PRR16: variants seen among roughly 807,000 people sequenced by gnomAD.
PRR16 encodes proline rich 16.
In PRR16, 6 loss-of-function variants were observed where a neutral mutation model predicts 18.2. The ratio of observed to expected loss-of-function variants is 0.33; its 90% CI spans 0.18 to 0.65. PRR16 has a LOEUF of 0.65. Ranked by LOEUF, PRR16 falls within the 30% of genes least tolerant of loss-of-function variation. The pLI, the probability that PRR16 is intolerant of heterozygous loss-of-function variation, is 0.74. For synonymous variants in PRR16, 151 were observed against 147.8 expected (o/e 1.02, Z -0.16); for missense variants, 412 against 376.6 (o/e 1.09, Z -0.78).
At chr5:120,651,562 C>A (rs1755790210) in intron 1 of PRR16, among the ~76,000 whole-genome samples, 1 of 152,164 alleles carries the variant, frequency 6.6e-6, no homozygotes, top group South Asian at 2.1e-4. Flanking sequence ...GCCAGTTTTC[C>A]CAGCACCATT....
chr5:120,764,608 T>G, the PRR16 span, among the ~76,000 whole-genome samples: 6 of 152,052 alleles, frequency 3.9e-5, no homozygotes. Context: ...TAACATACGA[T>G]GAAGATTTTT....
chr5:120,689,407 A>G (rs752109237), downstream of PRR16, among the ~76,000 whole-genome samples: 3 of 152,172 alleles, frequency 2.0e-5, no homozygotes, highest in Non-Finnish European at 4.4e-5. Context: ...ATCAGCCAAC[A>G]TTGCTTCAAA....
chr5:120,767,694 G>T, the PRR16 span, among the ~76,000 whole-genome samples: 1 of 151,796 alleles, frequency 6.6e-6, no homozygotes, highest in Admixed American at 6.6e-5. Flanking sequence ...CAAACATGAT[G>T]TCACAGGAAG....
the PRR16 span, among the ~76,000 whole-genome samples, chr5:120,731,606 A>G: frequency 6.6e-6 from 1 of 152,158 alleles, no homozygotes; most frequent in Non-Finnish European, 1.5e-5. Flanking sequence ...TTGGATTTGC[A>G]CCACTGACAG....
At chr5:120,483,363 T>G (rs924958189) in intron 1 of PRR16, among the ~76,000 whole-genome samples, 4 of 152,186 alleles carry the variant, frequency 2.6e-5, no homozygotes, top group Non-Finnish European at 2.9e-5. Flanking sequence ...AGCCCTGTAT[T>G]GTCTTGGCCA....
At position 120,589,377 on chromosome 5, in the gene PRR16, A is replaced by G. The variant is rs918578889; in HGVS notation, c.160-96577A>G. Among the ~76,000 whole-genome samples, 23 of 152,120 alleles carry G rather than the reference A, an allele frequency of 1.5e-4. 1 individual carries two copies. Among genetic ancestry groups the G allele is most frequent in the Admixed American group, 1.4e-3 (22 of 15,254 alleles). On this transcript the variant is annotated intron_variant, in intron 1 of 1. Transcript: ENST00000407149. Reference sequence around the variant, plus strand: ...CCAGAATCTATTAACATTTGCTATAACATAGTTTAGTCCTAGGATAATACT... The same window carrying G: ...CCAGAATCTATTAACATTTGCTATAGCATAGTTTAGTCCTAGGATAATACT...
At chr5:120,792,232 A>G in the PRR16 span, among the ~76,000 whole-genome samples, 1 of 152,200 alleles carries the variant, frequency 6.6e-6, no homozygotes. Flanking sequence ...TGTCTAAAAG[A>G]CTGCAAATAT....
the PRR16 span, among the ~76,000 whole-genome samples, chr5:120,791,640 A>G: frequency 1.3e-5 from 2 of 148,280 alleles, no homozygotes; most frequent in African/African-American, 5.0e-5. Flanking sequence ...TCTATCATCT[A>G]TCTATCTATC....
At chr5:120,516,249 C>A (rs373001213) in intron 1 of PRR16, among the ~76,000 whole-genome samples, 4 of 151,968 alleles carry the variant, frequency 2.6e-5, no homozygotes, top group Non-Finnish European at 5.9e-5. Context: ...CATGGCGAAA[C>A]GCCATCTCTA....
chr5:120,761,734 C>T, the PRR16 span, among the ~76,000 whole-genome samples: 1 of 152,010 alleles, frequency 6.6e-6, no homozygotes, highest in Non-Finnish European at 1.5e-5. Context: ...CAAATCCTCT[C>T]TTCTAGCTAT....
At chr5:120,681,481 T>C (rs944962140) in intron 1 of PRR16, among the ~76,000 whole-genome samples, 1 of 152,186 alleles carries the variant, frequency 6.6e-6, no homozygotes, top group Admixed American at 6.5e-5. Flanking sequence ...GCTTCACATT[T>C]TTCTTACCCT....
the PRR16 span, among the ~76,000 whole-genome samples, chr5:120,707,300 A>G: frequency 1.3e-5 from 2 of 152,150 alleles, no homozygotes; most frequent in African/African-American, 4.8e-5. Context: ...AGACGTGACC[A>G]TAATTCTAAT....
chr5:120,755,907 C>A, the PRR16 span, among the ~76,000 whole-genome samples: 1 of 152,096 alleles, frequency 6.6e-6, no homozygotes, highest in Non-Finnish European at 1.5e-5. Context: ...TGGGAGGGGG[C>A]TCAAGCAAGT....
the PRR16 span, among the ~76,000 whole-genome samples, chr5:120,758,656 C>G: frequency 1.3e-3 from 194 of 152,206 alleles, no homozygotes; most frequent in African/African-American, 4.3e-3. Context: ...CCTGCACTCT[C>G]TCTCTCCTGC....
rs1355496412 is a variant in PRR16 at position 120,686,127 on chromosome 5, T to A, written c.333T>A (p.Ser111=). ...TTATTAAACCCCCAGCACACCCGTC[T>A]GCTATCCTCACGGTCCTGAGAAAGC... ...APLIKPPAHP[S]AILTVLRKPN... is the part of the protein sequence containing the mutation. Residue 111 remains serine (S), a synonymous_variant, in exon 2 of 2, where the codon TCT becomes TCA. Coordinates refer to ENST00000407149, the MANE Select transcript of PRR16 (RefSeq NM_001300783.2). The A allele has an allele frequency of 6.2e-7, 1 of 1,614,026 alleles. No individual in the cohort carries two copies. Among genetic ancestry groups the A allele is most frequent in the South Asian group, 1.1e-5 (1 of 91,080 alleles).
the PRR16 span, among the ~76,000 whole-genome samples, chr5:120,741,128 A>C: frequency 6.6e-6 from 1 of 151,960 alleles, no homozygotes. Context: ...TTAAATTAAA[A>C]ATTTTTTTAT....
the PRR16 span, among the ~76,000 whole-genome samples, chr5:120,706,761 A>G: frequency 6.6e-6 from 1 of 152,226 alleles, no homozygotes; most frequent in African/African-American, 2.4e-5. Flanking sequence ...AATTGTTTCA[A>G]GAGAAGTTAA....
rs1749557227 is a variant in PRR16, at chr5:120,479,964, G to A, written c.159+15319G>A. Among the ~76,000 whole-genome samples, 3 of 152,122 alleles carry A rather than the reference G, an allele frequency of 2.0e-5. No homozygotes were observed. In the South Asian group the frequency reaches 6.2e-4, roughly 31 times the overall value. On this transcript the variant is annotated intron_variant, in intron 1 of 1. Transcript: ENST00000407149. Reference sequence around the variant, plus strand: ...TTGTAAGCTGTATTCACTTGTGGAAGTACTTTATGCTATAATGATTAATTC... The same window carrying A: ...TTGTAAGCTGTATTCACTTGTGGAAATACTTTATGCTATAATGATTAATTC...
chr5:120,490,850 T>C (rs1445197749), intron 1 of PRR16, among the ~76,000 whole-genome samples: 3 of 152,330 alleles, frequency 2.0e-5, no homozygotes, highest in African/African-American at 7.2e-5. Flanking sequence ...GTCCTTTCTG[T>C]TTGTTAGTTT....
Sources: gnomAD v4.1 joint callset for allele counts (sites outside exome capture counted in the v4.1 genomes callset) on GRCh38, gnomAD v4.1.1 for gene constraint, MANE v1.5 for transcripts, NCBI Gene and HGNC (gene_info 2026-07-23, HGNC 2026-07-21) for gene names.